The following ANKRD27 variants were observed in gnomAD, a reference collection of about 807,000 sequenced individuals.
The protein encoded by ANKRD27 is ankyrin repeat domain-containing protein 27.
ANKRD27 carries 112 observed loss-of-function variants against 129.7 expected under a neutral mutation model. The observed-to-expected ratio is 0.86, with a 90% CI of 0.74 to 1.01. The LOEUF is 1.01. ANKRD27 is among the 50% of genes least tolerant of loss of function. The pLI is 0.00. For missense variants in ANKRD27, 1,258 were observed against 1,300.5 expected (o/e 0.97, Z 0.50); for synonymous variants, 516 against 511.2 (o/e 1.01, Z -0.13).
chr19:32,621,563 G>A (rs574886773), intron 18 of ANKRD27, among the ~76,000 whole-genome samples: 2 of 152,268 alleles, frequency 1.3e-5, no homozygotes, highest in Admixed American at 1.3e-4. Flanking sequence ...AGGAAGTGGA[G>A]GTTGCAGTGA....
At chr19:32,649,558 G>A (rs1967371464) in intron 3 of ANKRD27, 124 bp downstream of exon 3, 2 of 733,442 alleles carry the variant, frequency 2.7e-6, no homozygotes, top group African/African-American at 1.7e-5. Context: ...CCACGGGGCT[G>A]CAGTGTGTGT....
chr19:32,639,610 G>A (rs1448811648), intron 11 of ANKRD27, 122 bp from the exon 12 acceptor site: 10 of 988,726 alleles, frequency 1.0e-5, no homozygotes, highest in East Asian at 7.2e-5. Context: ...AGGAAGCTAC[G>A]ACCACCATCC....
chr19:32,612,980 T>C (rs1400296982), intron 22 of ANKRD27, among the ~76,000 whole-genome samples: 1 of 152,168 alleles, frequency 6.6e-6, no homozygotes, highest in East Asian at 1.9e-4. Context: ...TGAAAGCCCA[T>C]GTGAGGAAAT....
chr19:32,610,246 G>A (rs1599737175), intron 22 of ANKRD27, among the ~76,000 whole-genome samples: 1 of 152,008 alleles, frequency 6.6e-6, no homozygotes, highest in South Asian at 2.1e-4. Context: ...GGAGGCAGAG[G>A]TTGCAGTGAG....
rs1050234860 is a variant in ANKRD27, at chr19:32,646,694, C to T, written c.214-79G>A. On this transcript the variant is annotated intron_variant, in intron 3 of 28. Coordinates refer to ENST00000306065, the MANE Select transcript of ANKRD27 (RefSeq NM_032139.3). ...TCTCAGCCTGGCCCCCGATGCAGCA[C>T]TTAACCAGACCCTACGGCCTTCACC... The T allele has an allele frequency of 1.1e-5, 16 of 1,483,440 alleles. No individual in the cohort carries two copies. In the African/African-American group the frequency reaches 2.1e-4, roughly 19 times the overall value. The allele number at this position is 1,483,440 out of a possible 1,614,324, so 91.9% of individuals were successfully genotyped here.
intron 9 of ANKRD27, among the ~76,000 whole-genome samples, chr19:32,642,642 C>A (rs1967223307): frequency 6.6e-6 from 1 of 152,080 alleles, no homozygotes; most frequent in Admixed American, 6.6e-5. Context: ...GAGGCTGAGG[C>A]AGGAGAATCA....
intron 1 of ANKRD27, chr19:32,673,562 C>T: frequency 2.0e-6 from 1 of 497,240 alleles, no homozygotes; most frequent in Non-Finnish European, 2.6e-6. Context: ...TCTGCTGTCT[C>T]CAAAGCTTCC....
intron 1 of ANKRD27, 88 bp from the exon 2 acceptor site, chr19:32,659,133 CTTTTTCT>C (rs2145318460): frequency 7.2e-4 from 236 of 328,606 alleles, no homozygotes; most frequent in Middle Eastern, 1.6e-3. Flanking sequence ...CTGGCATTTT[CTTTTTCT>C]TTTTTTTTTT....
chr19:32,628,842 G>A lies in ANKRD27; in HGVS notation c.1217C>T (p.Ala406Val). The A allele has an allele frequency of 1.2e-6, 2 of 1,614,086 alleles. No homozygotes were observed. The highest frequency in any genetic ancestry group is 1.7e-6 in the Non-Finnish European group (2 of 1,179,992). Reference protein sequence around the residue: ...SPTDCLFKHIASGNQKEVERL... With the variant: ...SPTDCLFKHIVSGNQKEVERL... ...CTCCACTTCTTTCTGGTTACCTGAT[G>A]CAATGTGCTGAAAAGTGACATCCAA... The change falls in exon 14 of 29, where the codon GCA becomes GTA. Residue 406 changes from alanine to valine, a missense_variant. Ala to Val is a moderately conservative substitution (Grantham distance 64). Transcript: ENST00000306065.
chr19:32,618,642 C>T (rs574566320), intron 20 of ANKRD27, among the ~76,000 whole-genome samples: 4 of 151,986 alleles, frequency 2.6e-5, no homozygotes, highest in African/African-American at 2.4e-5. Context: ...GAGCATGTCA[C>T]GGCTTGTGGG....
intron 3 of ANKRD27, among the ~76,000 whole-genome samples, chr19:32,646,842 T>C (rs11667412): frequency 0.024 from 3,670 of 152,284 alleles, 68 homozygotes; most frequent in East Asian, 0.11. Flanking sequence ...CTATTTTCTT[T>C]TGAGACAGAG....
chr19:32,597,014 C>G lies in ANKRD27; in HGVS notation c.*1131G>C, dbSNP rs558184619. 166 of 152,712 alleles carry G rather than the reference C, an allele frequency of 1.1e-3. No individual in the cohort carries two copies. The highest frequency in any genetic ancestry group is 3.8e-3 in the African/African-American group (160 of 41,572). The allele number at this position is 152,712 out of a possible 1,614,324, so 9.5% of individuals were successfully genotyped here. Reference sequence around the variant, plus strand: ...AAAATACCATGACACAGTCAAGAATCATAAAGTTTACTGTTTCTTTTCCAT... The same window carrying G: ...AAAATACCATGACACAGTCAAGAATGATAAAGTTTACTGTTTCTTTTCCAT... On this transcript the variant is annotated 3_prime_UTR_variant, in exon 29 of 29. Coordinates refer to ENST00000306065, the MANE Select transcript of ANKRD27 (RefSeq NM_032139.3).
At chr19:32,672,404 C>T (rs903204932) in intron 1 of ANKRD27, among the ~76,000 whole-genome samples, 17 of 152,176 alleles carry the variant, frequency 1.1e-4, no homozygotes, top group African/African-American at 3.9e-4. Context: ...CCCAGCCCTG[C>T]GCCTGGTTCC....
At chr19:32,605,763 G>T in intron 24 of ANKRD27, 72 bp downstream of exon 24, 1 of 1,576,970 alleles carries the variant, frequency 6.3e-7, no homozygotes, top group East Asian at 2.4e-5. Flanking sequence ...AGTGCGCTGC[G>T]GGGGTCGCTG....
Position 32,659,329 on chromosome 19 carries a change from G to A in ANKRD27, c.-30-284C>T, listed in dbSNP as rs1014823408. Among the ~76,000 whole-genome samples, 3 of 151,914 alleles carry A rather than the reference G, an allele frequency of 2.0e-5. 1 individual carries two copies. The highest frequency in any genetic ancestry group is 1.3e-4 in the Admixed American group (2 of 15,234). ...CTCCTGACCAGCAGGTGATCTGCCC[G>A]CCTCAGCCTCCCAAAGTGCTGGGAT... is the stretch of plus-strand genomic sequence containing the variant. On this transcript the variant is annotated intron_variant, in intron 1 of 28. Coordinates refer to ENST00000306065, the MANE Select transcript of ANKRD27 (RefSeq NM_032139.3).
chr19:32,648,476 G>A (rs1231240652), intron 3 of ANKRD27, among the ~76,000 whole-genome samples: 1 of 152,194 alleles, frequency 6.6e-6, no homozygotes, highest in East Asian at 1.9e-4. Context: ...AGCTGTCTTG[G>A]GCTAAAGGGC....
intron 18 of ANKRD27, 65 bp from the exon 19 acceptor site, chr19:32,619,618 TCA>T: frequency 6.3e-7 from 1 of 1,583,078 alleles, no homozygotes; most frequent in Non-Finnish European, 8.7e-7. Context: ...CACAGTGCCA[TCA>T]CCCACACGCC....
At chr19:32,617,671 C>T in intron 20 of ANKRD27, 38 bp from the exon 21 acceptor site, 2 of 699,716 alleles carry the variant, frequency 2.9e-6, no homozygotes, top group South Asian at 3.3e-5. Flanking sequence ...AAAATGATTT[C>T]AACAATAAAA....
At position 32,643,170 on chromosome 19, in the gene ANKRD27, G is replaced by C. The variant is rs1267622231; in HGVS notation, c.735C>G (p.Ser245Arg). Residue 245 changes from serine to arginine, a missense_variant, in exon 9 of 29, where the codon AGC becomes AGG. Transcript: ENST00000306065. ...TATCTTTCTGCTGAAGATCTTGAAG[G>C]CTTCTTGTGATTTTGTTAAAGGCCG... is the stretch of plus-strand genomic sequence containing the variant. ...EDAAFNKITR[S>R]LQDLQQKDIG... 5.0e-6 allele frequency: 8 copies of C among 1,614,016 alleles called. No homozygotes were observed. Among genetic ancestry groups the C allele is most frequent in the Non-Finnish European group, 6.8e-6 (8 of 1,180,016 alleles).
Sources: gnomAD v4.1 joint callset for allele counts (sites outside exome capture counted in the v4.1 genomes callset) on GRCh38, gnomAD v4.1.1 for gene constraint, MANE v1.5 for transcripts, NCBI Gene and HGNC (gene_info 2026-07-23, HGNC 2026-07-21) for gene names.